Variants in TMEM244 observed in about 807,000 individuals in gnomAD.
TMEM244 encodes the protein putative transmembrane protein 244.
A neutral mutation model predicts 15.8 loss-of-function variants in TMEM244; 13 were observed. That is an observed-to-expected ratio of 0.82 (90% CI 0.53 to 1.30). The LOEUF is 1.30. TMEM244 is among the 50% of genes most tolerant of loss of function. TMEM244 has a pLI of 0.00. For synonymous variants in TMEM244, 45 were observed against 48.7 expected (o/e 0.92, Z 0.32); for missense variants, 161 against 144.9 (o/e 1.11, Z -0.57).
chr6:129,859,345 A>T (rs997476294), intron 1 of TMEM244, among the ~76,000 whole-genome samples: 2 of 152,244 alleles, frequency 1.3e-5, no homozygotes, highest in Admixed American at 1.3e-4. Flanking sequence ...ACTGCATTGT[A>T]GTTCTTTGGA....
At chr6:129,859,794 A>G (rs1310364033) in intron 1 of TMEM244, among the ~76,000 whole-genome samples, 1 of 152,188 alleles carries the variant, frequency 6.6e-6, no homozygotes, top group African/African-American at 2.4e-5. Context: ...CATTGCATGC[A>G]CTCAATAAAT....
At chr6:129,859,809 G>A (rs1584195139) in intron 1 of TMEM244, among the ~76,000 whole-genome samples, 2 of 152,246 alleles carry the variant, frequency 1.3e-5, no homozygotes, top group South Asian at 4.1e-4. Flanking sequence ...ATAAATGTTT[G>A]TTGAGTATTC....
chr6:129,848,401 C>T (rs1776590413), intron 1 of TMEM244, among the ~76,000 whole-genome samples: 1 of 152,154 alleles, frequency 6.6e-6, no homozygotes, highest in Admixed American at 6.5e-5. Flanking sequence ...AGGGTTTTAA[C>T]ATGTCAGGTT....
chr6:129,853,702 T>G (rs1226340620), intron 1 of TMEM244, among the ~76,000 whole-genome samples: 1 of 152,066 alleles, frequency 6.6e-6, no homozygotes, highest in East Asian at 1.9e-4. Context: ...ACTATACCTG[T>G]GTAAAAAAGG....
intron 4 of TMEM244, among the ~76,000 whole-genome samples, chr6:129,832,377 C>T (rs765609826): frequency 5.3e-5 from 8 of 152,054 alleles, no homozygotes; most frequent in Non-Finnish European, 7.4e-5. Flanking sequence ...GGATTACAGG[C>T]GTGAGCCACG....
intron 1 of TMEM244, among the ~76,000 whole-genome samples, chr6:129,851,972 G>A (rs1431235229): frequency 6.6e-6 from 1 of 152,100 alleles, no homozygotes; most frequent in Non-Finnish European, 1.5e-5. Flanking sequence ...AAAAATTATT[G>A]TTAGGTTTTT....
intron 3 of TMEM244, among the ~76,000 whole-genome samples, chr6:129,840,518 G>T (rs1776474680): frequency 6.6e-6 from 1 of 152,122 alleles, no homozygotes; most frequent in African/African-American, 2.4e-5. Context: ...GATAGTCATG[G>T]GCAAAGACTT....
chr6:129,845,622 T>C (rs1303374075), intron 2 of TMEM244, 145 bp downstream of exon 2: 9 of 689,840 alleles, frequency 1.3e-5, no homozygotes, highest in Non-Finnish European at 1.9e-5. Flanking sequence ...CTACCAAAAA[T>C]AAAAAATAAA....
At chr6:129,860,397 T>C (rs949132015) in intron 1 of TMEM244, among the ~76,000 whole-genome samples, 1 of 152,138 alleles carries the variant, frequency 6.6e-6, no homozygotes, top group Non-Finnish European at 1.5e-5. Context: ...GTTGTCATGC[T>C]CAACATTTCT....
chr6:129,840,963 T>G (rs1776481039), intron 3 of TMEM244, among the ~76,000 whole-genome samples: 1 of 152,202 alleles, frequency 6.6e-6, no homozygotes, highest in Admixed American at 6.5e-5. Context: ...GGAACACTTT[T>G]ACACTGTTGG....
chr6:129,835,825 C>T (rs941466520), intron 3 of TMEM244, among the ~76,000 whole-genome samples: 1 of 151,954 alleles, frequency 6.6e-6, no homozygotes, highest in African/African-American at 2.4e-5. Flanking sequence ...CTGAGATAGA[C>T]CTGCGACGCT....
At chr6:129,842,357 A>T (rs769764619) in intron 3 of TMEM244, among the ~76,000 whole-genome samples, 52 of 152,200 alleles carry the variant, frequency 3.4e-4, no homozygotes, top group Non-Finnish European at 1.8e-4. Context: ...ATAAAGTCTT[A>T]GACCTCTTGT....
chr6:129,844,334 G>A (rs17475060), intron 2 of TMEM244, among the ~76,000 whole-genome samples: 30,614 of 151,990 alleles, frequency 0.2, 3,270 homozygotes, highest in South Asian at 0.43. Context: ...GCCATCAAAC[G>A]TAGAAGGAGA....
At chr6:129,838,335 A>G (rs1399016399) in intron 3 of TMEM244, among the ~76,000 whole-genome samples, 1 of 152,348 alleles carries the variant, frequency 6.6e-6, no homozygotes, top group East Asian at 1.9e-4. Context: ...CTGAATGACT[A>G]CTGGGTACAT....
intron 1 of TMEM244, among the ~76,000 whole-genome samples, chr6:129,852,700 T>C (rs1048016168): frequency 6.6e-6 from 1 of 152,124 alleles, no homozygotes; most frequent in Non-Finnish European, 1.5e-5. Context: ...CCTTCCCCCA[T>C]TAGCAGCAGG....
At chr6:129,835,785 C>T (rs551670758) in intron 3 of TMEM244, among the ~76,000 whole-genome samples, 2 of 152,306 alleles carry the variant, frequency 1.3e-5, no homozygotes, top group African/African-American at 2.4e-5. Flanking sequence ...CCCACACCCA[C>T]GGAGCCTTGC....
intron 3 of TMEM244, among the ~76,000 whole-genome samples, chr6:129,837,571 A>T (rs146477095): frequency 7.2e-4 from 110 of 152,352 alleles, no homozygotes; most frequent in Admixed American, 4.4e-3. Context: ...TTCAAACATA[A>T]CAGTATTAAC....
intron 1 of TMEM244, among the ~76,000 whole-genome samples, chr6:129,849,446 G>T (rs890169597): frequency 6.6e-6 from 1 of 151,876 alleles, no homozygotes; most frequent in Non-Finnish European, 1.5e-5. Flanking sequence ...GTCTTTTTAG[G>T]CCCTCACATC....
intron 3 of TMEM244, among the ~76,000 whole-genome samples, chr6:129,840,030 A>G (rs1339470749): frequency 6.6e-6 from 1 of 152,210 alleles, no homozygotes; most frequent in Non-Finnish European, 1.5e-5. Context: ...ATTCAATGCC[A>G]TCCCCATCAA....
Sources: gnomAD v4.1 joint callset for allele counts (sites outside exome capture counted in the v4.1 genomes callset) on GRCh38, gnomAD v4.1.1 for gene constraint, MANE v1.5 for transcripts, NCBI Gene and HGNC (gene_info 2026-07-23, HGNC 2026-07-21) for gene names.